The following CA10 variants were observed in gnomAD, a reference collection of about 807,000 sequenced individuals.
CA10 encodes carbonic anhydrase-related protein 10.
CA10 carries 14 observed loss-of-function variants against 44.2 expected under a neutral mutation model. The observed-to-expected ratio is 0.32, with a 90% CI of 0.21 to 0.50. CA10 has a LOEUF of 0.50. Among genes scored for constraint, CA10 ranks in the 20% least tolerant of loss-of-function variants. The pLI is 0.99. For missense variants in CA10, 350 were observed against 409.7 expected (o/e 0.85, Z 1.26); for synonymous variants, 159 against 141.6 (o/e 1.12, Z -0.87).
At chr17:51,747,135 A>G (rs1034959594) in intron 4 of CA10, among the ~76,000 whole-genome samples, 2 of 152,220 alleles carry the variant, frequency 1.3e-5, no homozygotes, top group Non-Finnish European at 2.9e-5. Flanking sequence ...GGTGGCACAC[A>G]GTGACGTTTC....
chr17:52,022,401 C>T (rs974576592), intron 2 of CA10, among the ~76,000 whole-genome samples: 2 of 152,072 alleles, frequency 1.3e-5, no homozygotes, highest in African/African-American at 4.8e-5. Flanking sequence ...TAAAATCCAA[C>T]ATCCCTTCAT....
intron 2 of CA10, among the ~76,000 whole-genome samples, chr17:51,963,775 A>G (rs1983979635): frequency 6.6e-6 from 1 of 152,208 alleles, no homozygotes; most frequent in South Asian, 2.1e-4. Flanking sequence ...AATTATAAAC[A>G]TGGAGACAAA....
intron 1 of CA10, among the ~76,000 whole-genome samples, chr17:52,080,181 A>G (rs550653400): frequency 5.3e-5 from 8 of 152,342 alleles, no homozygotes; most frequent in African/African-American, 1.7e-4. Context: ...GGCCAGGCGC[A>G]GTGGCTCACG....
At position 51,729,225 on chromosome 17, in the gene CA10, C is replaced by G. The variant is rs183544472; in HGVS notation, c.465+18408G>C. On this transcript the variant is annotated intron_variant, in intron 4 of 8. Coordinates refer to ENST00000451037, the MANE Select transcript of CA10 (RefSeq NM_020178.5). ...CACCAAGCACACTCCACACTTAGGCCTTGGTGCTGGCAGCTCCTTATGGAG... is the reference window on the plus strand; with the variant it reads ...CACCAAGCACACTCCACACTTAGGCGTTGGTGCTGGCAGCTCCTTATGGAG... 4.6e-5 allele frequency among the ~76,000 whole-genome samples: 7 copies of G among 152,336 alleles called. No individual in the cohort carries two copies. The East Asian group carries it at 1.2e-3, about 25-fold the overall frequency.
intron 2 of CA10, among the ~76,000 whole-genome samples, chr17:51,940,957 T>C (rs1983055338): frequency 6.6e-6 from 1 of 152,148 alleles, no homozygotes; most frequent in South Asian, 2.1e-4. Context: ...TAGCCAATTC[T>C]TTTTATTCAC....
At chr17:51,977,068 A>T (rs203055) in intron 2 of CA10, among the ~76,000 whole-genome samples, 150,072 of 152,104 alleles carry the variant, frequency 0.99, 74,062 homozygotes, top group East Asian at 1. Context: ...TAATTAAATA[A>T]TTCTTAGGCA....
At chr17:52,119,868 A>T (rs1988975361) in intron 1 of CA10, among the ~76,000 whole-genome samples, 1 of 152,062 alleles carries the variant, frequency 6.6e-6, no homozygotes, top group South Asian at 2.1e-4. Context: ...TTTTTCCCCC[A>T]CATTATAAGT....
At chr17:51,977,660 T>C (rs1422013754) in intron 2 of CA10, among the ~76,000 whole-genome samples, 2 of 152,134 alleles carry the variant, frequency 1.3e-5, no homozygotes, top group African/African-American at 4.8e-5. Flanking sequence ...CAGCATTTCA[T>C]TTAATATTTT....
intron 1 of CA10, among the ~76,000 whole-genome samples, chr17:52,093,602 T>A (rs1268609136): frequency 6.6e-6 from 1 of 152,204 alleles, no homozygotes; most frequent in African/African-American, 2.4e-5. Flanking sequence ...TTGTTGTCAT[T>A]GTCTCTTCAA....
chr17:52,114,209 G>A (rs887142234), intron 1 of CA10, among the ~76,000 whole-genome samples: 1 of 152,124 alleles, frequency 6.6e-6, no homozygotes, highest in African/African-American at 2.4e-5. Flanking sequence ...TGGGGAAGAG[G>A]CTTATATCCA....
chr17:52,123,882 A>G (rs1989064579), intron 1 of CA10, among the ~76,000 whole-genome samples: 1 of 152,234 alleles, frequency 6.6e-6, no homozygotes, highest in Non-Finnish European at 1.5e-5. Context: ...ATTAAGATAG[A>G]TATGGGCATC....
chr17:51,845,764 G>A lies in CA10; in HGVS notation c.279+85226C>T, dbSNP rs145837566. 3.5e-3 allele frequency among the ~76,000 whole-genome samples: 538 copies of A among 152,202 alleles called. 6 individuals carry two copies. Among genetic ancestry groups the A allele is most frequent in the African/African-American group, 0.012 (498 of 41,518 alleles). On this transcript the variant is annotated intron_variant, in intron 3 of 8. Coordinates refer to ENST00000451037, the MANE Select transcript of CA10 (RefSeq NM_020178.5). ...AGTGGGCTTCTTTCTTGCACAGAACGCTCTGTCATATAGGCCCATCATCTC... is the reference window on the plus strand; with the variant it reads ...AGTGGGCTTCTTTCTTGCACAGAACACTCTGTCATATAGGCCCATCATCTC...
At chr17:51,878,477 A>T (rs897151273) in intron 3 of CA10, among the ~76,000 whole-genome samples, 2 of 152,086 alleles carry the variant, frequency 1.3e-5, no homozygotes, top group Non-Finnish European at 2.9e-5. Flanking sequence ...ACAATCTGTC[A>T]TAGGATATTT....
In CA10 at chr17:52,072,313, A is replaced by C; in HGVS notation, c.136+6T>G. 1 of 1,579,774 alleles carries C rather than the reference A, an allele frequency of 6.3e-7. No individual in the cohort carries two copies. The highest frequency in any genetic ancestry group is 8.7e-7 in the Non-Finnish European group (1 of 1,149,198). On this transcript the variant is annotated splice_donor_region_variant and intron_variant, in intron 2 of 8. Transcript: ENST00000451037. ...TAAATAAATTAAAGAATTAATGTGT[A>C]CTTACCTGGAACAAAGCTTCCCTGG...
chr17:51,663,545 C>T (rs1914090014), intron 4 of CA10, among the ~76,000 whole-genome samples: 1 of 151,972 alleles, frequency 6.6e-6, no homozygotes, highest in African/African-American at 2.4e-5. Context: ...CTTCTTTGAA[C>T]TTCAATTTCT....
At chr17:51,823,203 A>G (rs1318377219) in intron 3 of CA10, among the ~76,000 whole-genome samples, 2 of 152,240 alleles carry the variant, frequency 1.3e-5, no homozygotes, top group African/African-American at 4.8e-5. Flanking sequence ...GCCAACAGCC[A>G]GGAAAGGAGT....
At chr17:51,858,472 A>G (rs184509521) in intron 3 of CA10, among the ~76,000 whole-genome samples, 9 of 152,274 alleles carry the variant, frequency 5.9e-5, no homozygotes, top group Non-Finnish European at 1.0e-4. Flanking sequence ...CTGCTGGGTA[A>G]TAGCTCCGGT....
intron 3 of CA10, among the ~76,000 whole-genome samples, chr17:51,753,283 G>T (rs1235413934): frequency 6.6e-6 from 1 of 152,196 alleles, no homozygotes; most frequent in Admixed American, 6.5e-5. Context: ...CCATCTAGAA[G>T]CACTATGTTC....
chr17:51,992,808 AC>A (rs778312608), intron 2 of CA10, among the ~76,000 whole-genome samples: 16 of 152,118 alleles, frequency 1.1e-4, no homozygotes, highest in Non-Finnish European at 1.9e-4. Context: ...ATAGATGAGC[AC>A]TCAGTCTTCT....
Sources: gnomAD v4.1 joint callset for allele counts (sites outside exome capture counted in the v4.1 genomes callset) on GRCh38, gnomAD v4.1.1 for gene constraint, MANE v1.5 for transcripts, NCBI Gene and HGNC (gene_info 2026-07-23, HGNC 2026-07-21) for gene names.